ADGRB2: variants seen among roughly 807,000 people sequenced by gnomAD.
ADGRB2 encodes the protein brain-specific angiogenesis inhibitor 2.
In ADGRB2, 47 loss-of-function variants were observed where a neutral mutation model predicts 178.7. The ratio of observed to expected loss-of-function variants is 0.26; its 90% CI spans 0.21 to 0.34. The LOEUF is 0.34. ADGRB2 is among the 10% of genes least tolerant of loss of function. The pLI, the probability that ADGRB2 is intolerant of heterozygous loss-of-function variation, is 1.00. For missense variants in ADGRB2, 1,584 were observed against 2,180.8 expected (o/e 0.73, Z 5.45); for synonymous variants, 870 against 912.4 (o/e 0.95, Z 0.84).
rs763839682 is a variant in ADGRB2, at chr1:31,759,289, A to G, written c.-190-1778T>C. On this transcript the variant is annotated intron_variant, in intron 1 of 32. Transcript: ENST00000373658. This position sits in a 1 kb window ranked among gnomAD's most constrained non-coding sequence, Gnocchi z 4.3. ...GGCTTACACTTGTACACATGCACAG[A>G]GGTGCACACGCATTCTCGACTGAGA... is the stretch of plus-strand genomic sequence containing the variant. 1 of 779,668 alleles carries G rather than the reference A, an allele frequency of 1.3e-6. No individual in the cohort carries two copies. Among genetic ancestry groups the G allele is most frequent in the Non-Finnish European group, 2.4e-6 (1 of 417,944 alleles). The allele number at this position is 779,668 out of a possible 1,614,324, so 48.3% of individuals were successfully genotyped here.
Position 31,756,296 on chromosome 1 carries a change from G to T in ADGRB2, c.541C>A (p.Arg181Ser), listed in dbSNP as rs749000422. The change falls in exon 4 of 33, where the codon CGC becomes AGC. Residue 181 changes from arginine (R) to serine (S), a missense_variant. By Grantham distance (110) the Arg-to-Ser change is moderately radical. Around this residue, in one of 3 missense-constraint regions of ADGRB2, gnomAD observed 657 missense variants for 847.6 expected, o/e 0.78. Coordinates refer to ENST00000373658, the MANE Select transcript of ADGRB2 (RefSeq NM_001364857.2). This position sits in a 1 kb window ranked among gnomAD's most constrained non-coding sequence, Gnocchi z 8.5. ...TTGATGAGCAAGACCTCGACAAAGC[G>T]GAAGGCTAGGGCAGCGGGCGCCAGC... ...RLLAPAALAF[R>S]FVEVLLINNN... is the part of the protein sequence containing the mutation. 3 of 1,613,048 alleles carry T rather than the reference G, an allele frequency of 1.9e-6. No individual in the cohort carries two copies. The highest frequency in any genetic ancestry group is 1.1e-5 in the South Asian group (1 of 91,088).
At position 31,741,245 on chromosome 1, in the gene ADGRB2, C is replaced by T. The variant is rs1177732672; in HGVS notation, c.1794+128G>A. The stretch of plus-strand genomic sequence containing the variant: ...GGAGCTTGCCAGACAAGGAGAGGCA[C>T]AGCCAGGCAGAAGTGGGCACAGCAT... On this transcript the variant is annotated intron_variant, in intron 11 of 32. Transcript: ENST00000373658. This position sits in a 1 kb window ranked among gnomAD's most constrained non-coding sequence, Gnocchi z 6.5. The T allele has an allele frequency of 4.2e-6, 4 of 943,246 alleles. No homozygotes were observed. Among genetic ancestry groups the T allele is most frequent in the East Asian group, 5.3e-5 (2 of 37,492 alleles). 58.4% of individuals were successfully genotyped at this position (943,246 alleles called of 1,614,324 possible). A position where few individuals can be genotyped will look rare whatever the true frequency, so the allele number is the denominator to read the frequency against.
intron 15 of ADGRB2, 149 bp downstream of exon 15, chr1:31,739,159 A>G: frequency 1.0e-6 from 1 of 969,354 alleles, no homozygotes; most frequent in Non-Finnish European, 1.5e-6. Flanking sequence ...AAATTTGAGA[A>G]GCATGTGTCC....
At chr1:31,743,899 A>G (rs1233243905) in intron 6 of ADGRB2, among the ~76,000 whole-genome samples, 1 of 152,236 alleles carries the variant, frequency 6.6e-6, no homozygotes, top group African/African-American at 2.4e-5. Context: ...AGCTACTGAT[A>G]TGGCCAGAGC....
chr1:31,743,052 ACCACCGGC>A, intron 6 of ADGRB2, 50 bp from the exon 7 acceptor site: 1 of 1,352,548 alleles, frequency 7.4e-7, no homozygotes, highest in South Asian at 1.8e-5. Flanking sequence ...GGCCCCGCCC[ACCACCGGC>A]GCCTGCCCAT....
chr1:31,738,046 T>C (rs940942862), intron 18 of ADGRB2, among the ~76,000 whole-genome samples, 154 bp downstream of exon 18: 2 of 151,958 alleles, frequency 1.3e-5, no homozygotes, highest in Non-Finnish European at 2.9e-5. Context: ...GTGAGCACAA[T>C]CCCAGGGGCA....
chr1:31,747,595 C>T (rs984148042), intron 4 of ADGRB2, among the ~76,000 whole-genome samples: 4 of 152,116 alleles, frequency 2.6e-5, no homozygotes, highest in Non-Finnish European at 5.9e-5. Flanking sequence ...TCTATGTGCC[C>T]TTTCATCACA....
At chr1:31,747,288 C>T (rs948512991) in intron 4 of ADGRB2, among the ~76,000 whole-genome samples, 1 of 152,038 alleles carries the variant, frequency 6.6e-6, no homozygotes, top group Non-Finnish European at 1.5e-5. Flanking sequence ...GCACGTGCTC[C>T]CCACCAGGCT....
rs538470487 is a variant in ADGRB2 at position 31,756,976 on chromosome 1, T to C, written c.22-161A>G. On this transcript the variant is annotated intron_variant, in intron 3 of 32. Coordinates refer to ENST00000373658, the MANE Select transcript of ADGRB2 (RefSeq NM_001364857.2). The surrounding 1 kb of genome is among the most constrained non-coding windows in gnomAD (Gnocchi z 8.5). ...GAACTTAGACAAGGGACTTGACCTC[T>C]CTGAGCCTCAGTTTCCTTACCTGTA... is the stretch of plus-strand genomic sequence containing the variant. 6.6e-6 allele frequency among the ~76,000 whole-genome samples: 1 copy of C among 152,298 alleles called. No individual in the cohort carries two copies. Among genetic ancestry groups the C allele is most frequent in the South Asian group, 2.1e-4 (1 of 4,832 alleles).
rs1018253635 is a variant in ADGRB2 at position 31,728,459 on chromosome 1, A to G, written c.4416+139T>C. Reference sequence around the variant, plus strand: ...GCTTGGGCAGGGAGGGAATCATGGGAAGATCCCACGGAACCCCCGGGCTTG... The same window carrying G: ...GCTTGGGCAGGGAGGGAATCATGGGGAGATCCCACGGAACCCCCGGGCTTG... On this transcript the variant is annotated intron_variant, in intron 30 of 32. Coordinates refer to ENST00000373658, the MANE Select transcript of ADGRB2 (RefSeq NM_001364857.2). The surrounding 1 kb of genome is among the most constrained non-coding windows in gnomAD (Gnocchi z 6.7). The G allele has an allele frequency of 7.1e-7, 1 of 1,417,332 alleles. No individual in the cohort carries two copies. The highest frequency in any genetic ancestry group is 9.9e-7 in the Non-Finnish European group (1 of 1,006,250). The allele number at this position is 1,417,332 out of a possible 1,614,324, so 87.8% of individuals were successfully genotyped here.
In ADGRB2 at chr1:31,761,390, G is replaced by A. The variant is rs1278617547; in HGVS notation, c.-191+2494C>T. ...AGGGCCCTGGGAAATTCCTGATGGT[G>A]TCTGACCTCCTGGGGTCAGTAGAGG... On this transcript the variant is annotated intron_variant, in intron 1 of 32. Coordinates refer to ENST00000373658, the MANE Select transcript of ADGRB2 (RefSeq NM_001364857.2). The surrounding 1 kb of genome is among the most constrained non-coding windows in gnomAD (Gnocchi z 4.2). Among the ~76,000 whole-genome samples the A allele has an allele frequency of 1.3e-5, 2 of 152,238 alleles. No homozygotes were observed. Among genetic ancestry groups the A allele is most frequent in the Non-Finnish European group, 2.9e-5 (2 of 68,032 alleles).
At chr1:31,757,082 T>A in intron 3 of ADGRB2, 119 bp downstream of exon 3, 1 of 1,542,324 alleles carries the variant, frequency 6.5e-7, no homozygotes, top group Non-Finnish European at 8.9e-7. Flanking sequence ...CGAGAGTGCC[T>A]GGAATCTTGT....
intron 4 of ADGRB2, among the ~76,000 whole-genome samples, chr1:31,745,538 C>T (rs1196717340): frequency 6.6e-6 from 1 of 152,212 alleles, no homozygotes; most frequent in Non-Finnish European, 1.5e-5. Flanking sequence ...CCTGGCCCTC[C>T]TGCACAGACA....
rs145689822 is a variant in ADGRB2, at chr1:31,740,895, G to GCACACACACACA, written c.1795-366_1795-355dup. The stretch of plus-strand genomic sequence containing the variant: ...AATGAGCATGTGTGTGGGCGCGCGC[G>GCACACACACACA]CACACACACACACACACACACACAC... On this transcript the variant is annotated intron_variant, in intron 11 of 32. Transcript: ENST00000373658. This position sits in a 1 kb window ranked among gnomAD's most constrained non-coding sequence, Gnocchi z 5.9. Among the ~76,000 whole-genome samples the GCACACACACACA allele has an allele frequency of 0.053, 7,500 of 140,282 alleles. 266 individuals are homozygous for GCACACACACACA. The highest frequency in any genetic ancestry group is 0.14 in the South Asian group (576 of 4,222). 92.0% of individuals were successfully genotyped at this position (140,282 alleles called of 152,430 possible).
In ADGRB2 at chr1:31,739,343, G is replaced by A; in HGVS notation, c.2460C>T (p.Leu820=). 1.4e-6 allele frequency: 2 copies of A among 1,464,430 alleles called. No homozygotes were observed. Among genetic ancestry groups the A allele is most frequent in the Non-Finnish European group, 1.8e-6 (2 of 1,105,564 alleles). 90.7% of individuals were successfully genotyped at this position (1,464,430 alleles called of 1,614,324 possible). A position where few individuals can be genotyped will look rare whatever the true frequency, so the allele number is the denominator to read the frequency against. Residue 820 remains leucine (L), a synonymous_variant, in exon 15 of 33, where the codon CTC becomes CTT. Transcript: ENST00000373658. ...ESSYFVIGAV[L]YRTLGLILPP... ...GCAGGATGAGGCCAAGGGTGCGGTAGAGTACAGCACCGATCACAAAGTAGG... is the reference window on the plus strand; with the variant it reads ...GCAGGATGAGGCCAAGGGTGCGGTAAAGTACAGCACCGATCACAAAGTAGG...
At chr1:31,731,541 G>C (rs1645284745) in intron 28 of ADGRB2, 122 bp from the exon 29 acceptor site, 1 of 1,241,740 alleles carries the variant, frequency 8.1e-7, no homozygotes, top group Non-Finnish European at 1.1e-6. Context: ...CTGGGTCCTG[G>C]AGAGATGGCT....
intron 26 of ADGRB2, 44 bp from the exon 27 acceptor site, chr1:31,732,656 C>A (rs755374358): frequency 1.3e-6 from 2 of 1,592,692 alleles, no homozygotes; most frequent in Admixed American, 3.4e-5. Flanking sequence ...CACTGCAGGG[C>A]CCCCGACCAC....
At chr1:31,729,280 C>G (rs979337494) in intron 29 of ADGRB2, among the ~76,000 whole-genome samples, 2 of 152,174 alleles carry the variant, frequency 1.3e-5, no homozygotes, top group Non-Finnish European at 2.9e-5. Context: ...GATAGGGAAA[C>G]TGAGACCCAG....
In ADGRB2 at chr1:31,741,295, G is replaced by A. The variant is rs566934010; in HGVS notation, c.1794+78C>T. 1.4e-5 allele frequency: 20 copies of A among 1,432,700 alleles called. No individual in the cohort carries two copies. The highest frequency in any genetic ancestry group is 6.1e-5 in the Admixed American group (3 of 48,988). The allele number at this position is 1,432,700 out of a possible 1,614,324, so 88.7% of individuals were successfully genotyped here. A position where few individuals can be genotyped will look rare whatever the true frequency, so the allele number is the denominator to read the frequency against. ...TATGCCAAGGCACGTGGGAACGAGCGAGAATCACGCTCCCTCCACCCCCTA... is the reference window on the plus strand; with the variant it reads ...TATGCCAAGGCACGTGGGAACGAGCAAGAATCACGCTCCCTCCACCCCCTA... On this transcript the variant is annotated intron_variant, in intron 11 of 32. Coordinates refer to ENST00000373658, the MANE Select transcript of ADGRB2 (RefSeq NM_001364857.2). This position sits in a 1 kb window ranked among gnomAD's most constrained non-coding sequence, Gnocchi z 6.5.
Sources: gnomAD v4.1 joint callset for allele counts (sites outside exome capture counted in the v4.1 genomes callset) on GRCh38, gnomAD v4.1.1 for gene constraint, gnomAD v4.1.1 regional missense constraint, Gnocchi (gnomAD v3.1) non-coding constraint, MANE v1.5 for transcripts, NCBI Gene and HGNC (gene_info 2026-07-23, HGNC 2026-07-21) for gene names.